ERICH2: variants seen among roughly 807,000 people sequenced by gnomAD.
ERICH2 encodes glutamate-rich protein 2.
A neutral mutation model predicts 17.4 loss-of-function variants in ERICH2; 17 were observed. The ratio of observed to expected loss-of-function variants is 0.98; its 90% CI spans 0.67 to 1.47. ERICH2 has a LOEUF of 1.47. Among genes scored for constraint, ERICH2 ranks in the 40% most tolerant of loss-of-function variants. The pLI, the probability that ERICH2 is intolerant of heterozygous loss-of-function variation, is 0.00. For synonymous variants in ERICH2, 51 were observed against 61.1 expected, an observed-to-expected ratio of 0.83 and a Z score of 0.77; for missense variants, 186 against 183.2, an observed-to-expected ratio of 1.01 and a Z score of -0.09.
At chr2:170,798,436 C>G (rs1290873143) in intron 4 of ERICH2, among the ~76,000 whole-genome samples, 1 of 152,152 alleles carries the variant, frequency 6.6e-6, no homozygotes, top group East Asian at 1.9e-4. Flanking sequence ...TCTCAATTAC[C>G]TTGTCTCAAT....
At chr2:170,771,545 A>G in the ERICH2 span, 1 of 152,060 alleles carries the variant, frequency 6.6e-6, no homozygotes, top group African/African-American at 2.4e-5. This position sits in a 1 kb window ranked among gnomAD's most constrained non-coding sequence, Gnocchi z 4.8. Context: ...CCTTCCCCGC[A>G]AATAACGAAG....
rs1701182826 is a variant in ERICH2, at chr2:170,787,421, G to A, written c.216+2588G>A. ...CCGGGGCAGCCTTTATGTAGCATAA[G>A]GACAGTACTAAGGCAGTGCCCTTAT... On this transcript the variant is annotated intron_variant, in intron 2 of 4. Transcript: ENST00000409885. Among the ~76,000 whole-genome samples, 4 of 152,238 alleles carry A rather than the reference G, an allele frequency of 2.6e-5. No homozygotes were observed. In the South Asian group the frequency reaches 8.3e-4, roughly 31 times the overall value.
intron 2 of ERICH2, among the ~76,000 whole-genome samples, chr2:170,789,321 C>T (rs1347506529): frequency 1.3e-5 from 2 of 152,122 alleles, no homozygotes; most frequent in African/African-American, 4.8e-5. Flanking sequence ...CATGAAACTT[C>T]ACCCGTAAAT....
intron 3 of ERICH2, among the ~76,000 whole-genome samples, chr2:170,793,244 C>T (rs1381837514): frequency 6.6e-6 from 1 of 152,202 alleles, no homozygotes; most frequent in Non-Finnish European, 1.5e-5. Flanking sequence ...AGCAGTCAAA[C>T]CTTAACTGAG....
chr2:170,771,532 A>C, the ERICH2 span: 1 of 151,482 alleles, frequency 6.6e-6, no homozygotes, highest in South Asian at 2.1e-4. The surrounding 1 kb of genome is among the most constrained non-coding windows in gnomAD (Gnocchi z 4.8). Flanking sequence ...ACACGCACCA[A>C]CTCCTTCCCC....
upstream of ERICH2, among the ~76,000 whole-genome samples, chr2:170,779,015 A>C (rs558299491): frequency 3.9e-5 from 6 of 152,334 alleles, no homozygotes; most frequent in South Asian, 8.3e-4. Flanking sequence ...TGCAAGGTCA[A>C]AATGATCATT....
intron 2 of ERICH2, among the ~76,000 whole-genome samples, chr2:170,791,707 TA>T (rs1302952378): frequency 1.4e-5 from 2 of 146,424 alleles, no homozygotes; most frequent in East Asian, 2.0e-4. Context: ...AATAAATAAA[TA>T]AAATAAAATA....
chr2:170,784,340 G>A (rs528371149), intron 1 of ERICH2, among the ~76,000 whole-genome samples: 12 of 152,206 alleles, frequency 7.9e-5, no homozygotes, highest in African/African-American at 2.6e-4. Context: ...TTAAGAATAT[G>A]GAATCTAGGG....
chr2:170,798,795 C>T (rs779401899), exon 5 of ERICH2: 57 of 1,550,412 alleles, frequency 3.7e-5, no homozygotes, highest in East Asian at 1.2e-4. Context: ...ATGAGCAAGA[C>T]GGTGAAAACA....
At chr2:170,778,027 T>C in the ERICH2 span, 1 of 204,670 alleles carries the variant, frequency 4.9e-6, no homozygotes, top group South Asian at 1.9e-4. Context: ...CAAGTGAATA[T>C]GTACTTTAAA....
At chr2:170,790,073 TTACTG>T (rs1701249748) in intron 2 of ERICH2, among the ~76,000 whole-genome samples, 1 of 152,214 alleles carries the variant, frequency 6.6e-6, no homozygotes, top group African/African-American at 2.4e-5. Flanking sequence ...GCTGTATATT[TTACTG>T]ATCACATTCC....
chr2:170,798,939 T>G, exon 5 of ERICH2: 1 of 1,537,802 alleles, frequency 6.5e-7, no homozygotes, highest in South Asian at 1.2e-5. Context: ...CATTAATGTA[T>G]ACCATGCAAA....
chr2:170,789,716 A>G (rs1701240647), intron 2 of ERICH2, among the ~76,000 whole-genome samples: 1 of 152,220 alleles, frequency 6.6e-6, no homozygotes, highest in African/African-American at 2.4e-5. Flanking sequence ...AAAACAACAC[A>G]TAGGTCAATA....
chr2:170,797,807 A>AG (rs1282626724), intron 3 of ERICH2, among the ~76,000 whole-genome samples: 10 of 150,556 alleles, frequency 6.6e-5, no homozygotes, highest in Admixed American at 2.0e-4. Flanking sequence ...AAAAAAAAAA[A>AG]AAAAAAAGAA....
chr2:170,781,883 G>A (rs1317422012), upstream of ERICH2, among the ~76,000 whole-genome samples: 2 of 152,110 alleles, frequency 1.3e-5, no homozygotes, highest in Non-Finnish European at 2.9e-5. Flanking sequence ...ATTTAGCAAT[G>A]GCAAAAATCG....
chr2:170,779,924 T>A (rs1314510156), upstream of ERICH2: 1 of 639,188 alleles, frequency 1.6e-6, no homozygotes, highest in East Asian at 1.4e-4. Flanking sequence ...AGGCCCATGT[T>A]TGACAAGTAT....
At chr2:170,774,766 G>A in the ERICH2 span, among the ~76,000 whole-genome samples, 17 of 151,158 alleles carry the variant, frequency 1.1e-4, no homozygotes, top group Non-Finnish European at 2.4e-4. Context: ...TAGTAGAGAC[G>A]GGGTTTCATC....
Position 170,792,861 on chromosome 2 carries a change from A to G in ERICH2, c.217-2A>G. On this transcript the variant is annotated splice_acceptor_variant, in intron 2 of 4. Coordinates refer to ENST00000409885, the Ensembl canonical transcript of ERICH2. LOFTEE classifies it high-confidence loss of function. ...TTATCTGAAGAATTTAATGTTTTCC[A>G]GTTTCTGAGAGCAGAAATGGCCCGA... is the stretch of plus-strand genomic sequence containing the variant. 6.6e-7 allele frequency: 1 copy of G among 1,507,130 alleles called. No homozygotes were observed. Among genetic ancestry groups the G allele is most frequent in the Non-Finnish European group, 8.9e-7 (1 of 1,120,680 alleles). The allele number at this position is 1,507,130 out of a possible 1,614,324, so 93.4% of individuals were successfully genotyped here. A position where few individuals can be genotyped will look rare whatever the true frequency, so the allele number is the denominator to read the frequency against.
the ERICH2 span, among the ~76,000 whole-genome samples, chr2:170,771,740 C>T: frequency 5.3e-5 from 8 of 152,192 alleles, no homozygotes; most frequent in Admixed American, 5.2e-4. The surrounding 1 kb of genome is among the most constrained non-coding windows in gnomAD (Gnocchi z 4.8). Context: ...TTATTCTCAT[C>T]TTATGAGATG....
Sources: gnomAD v4.1 joint callset for allele counts (sites outside exome capture counted in the v4.1 genomes callset) on GRCh38, gnomAD v4.1.1 for gene constraint, Gnocchi (gnomAD v3.1) non-coding constraint, MANE v1.5 for transcripts, NCBI Gene and HGNC (gene_info 2026-07-23, HGNC 2026-07-21) for gene names.